RAD51D: variants seen among roughly 807,000 people sequenced by gnomAD.
The protein encoded by RAD51D is DNA repair protein RAD51 homolog 4.
Under a neutral mutation model 44.1 loss-of-function variants are expected in RAD51D, and 38 were observed. That is an observed-to-expected ratio of 0.86 (90% confidence interval 0.67 to 1.13). The LOEUF (loss-of-function observed/expected upper bound fraction) is 1.13, where lower values mean the gene tolerates loss of function less well. Ranked by LOEUF, RAD51D falls within the 50% of genes most tolerant of loss-of-function variation. RAD51D has a pLI of 0.00. For synonymous variants in RAD51D, 141 were observed against 166.6 expected, an observed-to-expected ratio of 0.85 and a Z score of 1.18; for missense variants, 390 against 414.0, an observed-to-expected ratio of 0.94 and a Z score of 0.50.
intron 6 of RAD51D, among the ~76,000 whole-genome samples, chr17:35,105,629 C>G (rs1447794477): frequency 6.6e-6 from 1 of 152,170 alleles, no homozygotes; most frequent in African/African-American, 2.4e-5. Flanking sequence ...TGCACCAAAT[C>G]CTGTCTAAGC....
chr17:35,112,465 T>A (rs913189479), intron 3 of RAD51D, among the ~76,000 whole-genome samples: 1 of 151,506 alleles, frequency 6.6e-6, no homozygotes, highest in African/African-American at 2.4e-5. Context: ...GTAACCTGCA[T>A]CTCCCAGATT....
chr17:35,114,341 A>C (rs191073363), intron 3 of RAD51D, among the ~76,000 whole-genome samples: 1 of 152,206 alleles, frequency 6.6e-6, no homozygotes, highest in African/African-American at 2.4e-5. Flanking sequence ...CTATGTCAGC[A>C]GTACCCAAAG....
chr17:35,098,847 AT>A lies in RAD51D; in HGVS notation c.*2105del, dbSNP rs959751167. On this transcript the variant is annotated 3_prime_UTR_variant, in exon 10 of 10. Coordinates refer to ENST00000345365, the MANE Select transcript of RAD51D (RefSeq NM_002878.4). Reference sequence around the variant, plus strand: ...GTTAAGTAACAGGATGGGCCAGATGATTTTTTTTTTCCTTGAGACAGGGTCT... The same window carrying A: ...GTTAAGTAACAGGATGGGCCAGATGATTTTTTTTTCCTTGAGACAGGGTCT... 6.7e-5 allele frequency: 10 copies of A among 149,314 alleles called. No homozygotes were observed. The highest frequency in any genetic ancestry group is 2.1e-4 in the South Asian group (1 of 4,692). 9.2% of individuals were successfully genotyped at this position (149,314 alleles called of 1,614,324 possible). A position where few individuals can be genotyped will look rare whatever the true frequency, so the allele number is the denominator to read the frequency against.
chr17:35,115,956 GGAAAGAAAGAAAGAAAGAAAGAAA>G (rs71147458), intron 3 of RAD51D, among the ~76,000 whole-genome samples: 4 of 65,274 alleles, frequency 6.1e-5, no homozygotes, highest in Admixed American at 4.4e-4. Context: ...AAGGAAGAAA[GGAAAGAAAGAAAGAAAGAAAGAAA>G]GAAAGAAAGA....
At chr17:35,106,154 G>A (rs753482951) in intron 6 of RAD51D, 3 of 683,654 alleles carry the variant, frequency 4.4e-6, no homozygotes, top group Non-Finnish European at 8.2e-6. Context: ...ACATAAATAT[G>A]ACATGATCCT....
At chr17:35,115,426 T>C in intron 3 of RAD51D, 1 of 415,336 alleles carries the variant, frequency 2.4e-6, no homozygotes, top group South Asian at 1.7e-5. Context: ...AAGGAATCAT[T>C]GCACCTCAGC....
intron 3 of RAD51D, among the ~76,000 whole-genome samples, chr17:35,112,561 A>G (rs1234373803): frequency 6.6e-6 from 1 of 152,024 alleles, no homozygotes; most frequent in Non-Finnish European, 1.5e-5. Flanking sequence ...TATTTCTAGT[A>G]AAGACCAGGT....
rs549231666 is a variant in RAD51D, at chr17:35,119,850, CT to C, written c.-238del. ...AGCCCGCCCGCCGGGTCGCGCCGCG[CT>C]GCCGCTTCCGGGTTCCAGGCTGGCG... On this transcript the variant is annotated 5_prime_UTR_variant, in exon 1 of 10. Transcript: ENST00000345365. 1.5e-6 allele frequency: 1 copy of C among 660,288 alleles called. No individual in the cohort carries two copies. The highest frequency in any genetic ancestry group is 1.5e-5 in the South Asian group (1 of 65,234). The allele number at this position is 660,288 out of a possible 1,614,324, so 40.9% of individuals were successfully genotyped here.
In RAD51D at chr17:35,099,930, T is replaced by G. The variant is rs1306769204; in HGVS notation, c.*1023A>C. On this transcript the variant is annotated 3_prime_UTR_variant, in exon 10 of 10. Coordinates refer to ENST00000345365, the MANE Select transcript of RAD51D (RefSeq NM_002878.4). The stretch of plus-strand genomic sequence containing the variant: ...TCATACACTAGGGCACTAGCTGTGG[T>G]ACAGCTGGCAGGAAGAGAGGTGTAA... 1.9e-6 allele frequency: 1 copy of G among 523,992 alleles called. No individual in the cohort carries two copies. Among genetic ancestry groups the G allele is most frequent in the Non-Finnish European group, 3.7e-6 (1 of 269,884 alleles). The allele number at this position is 523,992 out of a possible 1,614,324, so 32.5% of individuals were successfully genotyped here. A position where few individuals can be genotyped will look rare whatever the true frequency, so the allele number is the denominator to read the frequency against.
intron 3 of RAD51D, among the ~76,000 whole-genome samples, chr17:35,116,426 G>A (rs1303541218): frequency 6.6e-6 from 1 of 152,194 alleles, no homozygotes; most frequent in African/African-American, 2.4e-5. Context: ...GCACAATCTT[G>A]AACAAGTCAT....
Position 35,103,404 on chromosome 17 carries a change from G to A in RAD51D, c.667+50C>T, listed in dbSNP as rs2142419633. 1 of 1,607,884 alleles carries A rather than the reference G, an allele frequency of 6.2e-7. No individual in the cohort carries two copies. The highest frequency in any genetic ancestry group is 8.5e-7 in the Non-Finnish European group (1 of 1,174,264). On this transcript the variant is annotated intron_variant, in intron 7 of 9. Coordinates refer to ENST00000345365, the MANE Select transcript of RAD51D (RefSeq NM_002878.4). This position sits in a 1 kb window ranked among gnomAD's most constrained non-coding sequence, Gnocchi z 4.1. ...TGGCCAGAGACCAGACTCCAGAGCT[G>A]GGAGGCGAGGTCACATTCCACTGGC...
intron 4 of RAD51D, 39 bp from the exon 5 acceptor site, chr17:35,107,161 G>A: frequency 1.2e-6 from 2 of 1,612,588 alleles, no homozygotes; most frequent in Non-Finnish European, 1.7e-6. Flanking sequence ...ACACTTCAGA[G>A]AGGGTCCAGA....
intron 3 of RAD51D, among the ~76,000 whole-genome samples, chr17:35,112,323 A>G (rs1349669323): frequency 1.3e-5 from 2 of 151,294 alleles, no homozygotes; most frequent in Non-Finnish European, 2.9e-5. Flanking sequence ...TGATCTGCCC[A>G]CCTCAGCCTC....
Position 35,100,292 on chromosome 17 carries a change from A to C in RAD51D, c.*661T>G, listed in dbSNP as rs1247066467. ...CAGGCAGGTCTGAAACCAAATCAGC[A>C]AGAGGAAAGGAGGAATAAACTGTTC... On this transcript the variant is annotated 3_prime_UTR_variant, in exon 10 of 10. Transcript: ENST00000345365. 1.9e-6 allele frequency: 1 copy of C among 534,004 alleles called. No homozygotes were observed. Among genetic ancestry groups the C allele is most frequent in the Non-Finnish European group, 3.6e-6 (1 of 276,242 alleles). The allele number at this position is 534,004 out of a possible 1,614,324, so 33.1% of individuals were successfully genotyped here.
At chr17:35,119,453 G>T in intron 1 of RAD51D, 79 bp downstream of exon 1, 1 of 1,486,516 alleles carries the variant, frequency 6.7e-7, no homozygotes. Flanking sequence ...AGGTATGCCA[G>T]GGCAGTGCGC....
chr17:35,108,852 T>G (rs2091641812), intron 3 of RAD51D, among the ~76,000 whole-genome samples: 3 of 147,322 alleles, frequency 2.0e-5, no homozygotes, highest in Admixed American at 7.2e-5. Flanking sequence ...CCTTTGTGAT[T>G]GGCTTTTTTT....
At chr17:35,119,019 G>A in intron 2 of RAD51D, 92 bp downstream of exon 2, 1 of 1,257,728 alleles carries the variant, frequency 8.0e-7, no homozygotes, top group Admixed American at 1.7e-5. Flanking sequence ...CAAAGTGCTG[G>A]GATTACAGGC....
At chr17:35,119,473 G>A in intron 1 of RAD51D, 59 bp downstream of exon 1, 1 of 1,577,622 alleles carries the variant, frequency 6.3e-7, no homozygotes, top group Non-Finnish European at 8.7e-7. Context: ...CCAGCCCTCG[G>A]GGCCTGCCCA....
At chr17:35,115,693 G>C (rs1471133773) in intron 3 of RAD51D, among the ~76,000 whole-genome samples, 1 of 151,816 alleles carries the variant, frequency 6.6e-6, no homozygotes, top group Non-Finnish European at 1.5e-5. Flanking sequence ...CATGGCGAAA[G>C]TCCATCTCTA....
Sources: gnomAD v4.1 joint callset for allele counts (sites outside exome capture counted in the v4.1 genomes callset) on GRCh38, gnomAD v4.1.1 for gene constraint, Gnocchi (gnomAD v3.1) non-coding constraint, MANE v1.5 for transcripts, NCBI Gene and HGNC (gene_info 2026-07-23, HGNC 2026-07-21) for gene names.